Variants in FRMD4B observed in about 807,000 individuals in gnomAD.
FRMD4B encodes the protein FERM domain-containing protein 4B.
In FRMD4B, 74 loss-of-function variants were observed where a neutral mutation model predicts 141.5. The observed-to-expected ratio is 0.52, with a 90% CI of 0.43 to 0.63. The LOEUF (loss-of-function observed/expected upper bound fraction) is 0.63. Ranked by LOEUF, FRMD4B falls within the 30% of genes least tolerant of loss-of-function variation. The probability of loss-of-function intolerance (pLI) is 0.00; values close to 1 mark genes in which losing one functional copy is unlikely to be tolerated. For missense variants in FRMD4B, 1,366 were observed against 1,253.4 expected (o/e 1.09, Z -1.36); for synonymous variants, 506 against 467.9 (o/e 1.08, Z -1.05).
intron 2 of FRMD4B, among the ~76,000 whole-genome samples, chr3:69,431,370 T>C (rs558115850): frequency 6.6e-6 from 1 of 152,318 alleles, no homozygotes; most frequent in South Asian, 2.1e-4. Flanking sequence ...ATCAGTCCTG[T>C]GACAGCTGCT....
intron 2 of FRMD4B, among the ~76,000 whole-genome samples, chr3:69,426,274 A>T (rs1320160083): frequency 1.3e-5 from 2 of 152,192 alleles, no homozygotes; most frequent in Admixed American, 6.5e-5. Flanking sequence ...CTGGGGCTGT[A>T]ATGAATAGGT....
At chr3:69,465,878 A>G (rs1705776107) in intron 1 of FRMD4B, among the ~76,000 whole-genome samples, 1 of 152,204 alleles carries the variant, frequency 6.6e-6, no homozygotes, top group South Asian at 2.1e-4. Flanking sequence ...TTATAGGAGC[A>G]TGATTTATAA....
chr3:69,463,713 A>G (rs1705737319), intron 1 of FRMD4B, among the ~76,000 whole-genome samples: 1 of 152,192 alleles, frequency 6.6e-6, no homozygotes, highest in Admixed American at 6.5e-5. Flanking sequence ...TACTCTACAT[A>G]TAAGTTATCT....
rs879387393 is a variant in FRMD4B, at chr3:69,180,937, G to A, written c.2813C>T (p.Pro938Leu). The A allele has an allele frequency of 2.5e-6, 4 of 1,612,138 alleles. No individual in the cohort carries two copies. The highest frequency in any genetic ancestry group is 1.7e-5 in the Admixed American group (1 of 59,966). Residue 938 changes from proline (P) to leucine (L), a missense_variant, in exon 21 of 23, where the codon CCT becomes CTT. By Grantham distance (98) the Pro-to-Leu change is moderately conservative. Coordinates refer to ENST00000398540, the MANE Select transcript of FRMD4B (RefSeq NM_015123.3). ...GGATGCACGACTGCTTGGAGAACAA[G>A]GTACTTGCAGCCCCGCAAACCCCAG... ...RCLGFAGLQV[P>L]CSPSSRASSY...
chr3:69,242,375 G>A (rs1452277599), intron 7 of FRMD4B, among the ~76,000 whole-genome samples: 2 of 150,250 alleles, frequency 1.3e-5, no homozygotes, highest in African/African-American at 4.9e-5. Context: ...CTCCAGAGGT[G>A]TAATAACTAA....
intron 1 of FRMD4B, among the ~76,000 whole-genome samples, chr3:69,495,516 G>C (rs925335864): frequency 6.6e-6 from 1 of 152,170 alleles, no homozygotes; most frequent in Non-Finnish European, 1.5e-5. Flanking sequence ...TCTTCTGAAA[G>C]AGATGGGCTT....
chr3:69,403,385 C>T (rs1194068118), intron 2 of FRMD4B, among the ~76,000 whole-genome samples: 2 of 152,134 alleles, frequency 1.3e-5, no homozygotes, highest in Admixed American at 6.5e-5. Flanking sequence ...TTTTCATTAA[C>T]CAAAGGATTC....
At chr3:69,502,652 CA>C (rs1346540498) in intron 1 of FRMD4B, among the ~76,000 whole-genome samples, 3 of 151,992 alleles carry the variant, frequency 2.0e-5, no homozygotes. Context: ...ACACCAAAAG[CA>C]ATGGCAACAA....
intron 1 of FRMD4B, among the ~76,000 whole-genome samples, chr3:69,456,392 G>A (rs984066611): frequency 1.3e-5 from 2 of 152,042 alleles, no homozygotes; most frequent in African/African-American, 4.8e-5. Context: ...TTTACCCTAA[G>A]GAAAAAATGA....
At chr3:69,490,196 T>C (rs897232023) in intron 1 of FRMD4B, among the ~76,000 whole-genome samples, 2 of 152,216 alleles carry the variant, frequency 1.3e-5, no homozygotes, top group Admixed American at 1.3e-4. Context: ...GAATTGTGTA[T>C]TTTAAACATG....
intron 20 of FRMD4B, among the ~76,000 whole-genome samples, chr3:69,182,140 AT>A (rs2092715241): frequency 6.6e-6 from 1 of 152,162 alleles, no homozygotes; most frequent in African/African-American, 2.4e-5. Flanking sequence ...TGGCACTGCT[AT>A]TTCCCAGCTG....
chr3:69,390,054 G>A (rs1704348048), upstream of FRMD4B, among the ~76,000 whole-genome samples: 3 of 152,240 alleles, frequency 2.0e-5, no homozygotes, highest in South Asian at 6.2e-4. Context: ...TGGGAGTTGT[G>A]CTGTCGTAAA....
intron 5 of FRMD4B, among the ~76,000 whole-genome samples, chr3:69,250,846 G>C (rs1292587180): frequency 2.0e-5 from 3 of 151,232 alleles, no homozygotes; most frequent in Non-Finnish European, 2.9e-5. Context: ...CCAGTACTCT[G>C]GGAGGCTGAG....
At chr3:69,438,289 A>G (rs921814148) in intron 1 of FRMD4B, among the ~76,000 whole-genome samples, 4 of 151,676 alleles carry the variant, frequency 2.6e-5, no homozygotes, top group African/African-American at 9.7e-5. Flanking sequence ...TTTTTTTTGT[A>G]GAGACAGGTT....
At chr3:69,396,650 T>C (rs1269871929) in intron 2 of FRMD4B, among the ~76,000 whole-genome samples, 1 of 152,194 alleles carries the variant, frequency 6.6e-6, no homozygotes, top group Non-Finnish European at 1.5e-5. Flanking sequence ...GATATACTAC[T>C]TCACATCCAT....
chr3:69,211,773 T>C (rs948386650), intron 11 of FRMD4B, among the ~76,000 whole-genome samples: 8 of 152,134 alleles, frequency 5.3e-5, no homozygotes, highest in Non-Finnish European at 1.2e-4. Flanking sequence ...TGCTGGTCCA[T>C]TGGTAAACTT....
At chr3:69,210,088 CAG>C (rs34216530) in intron 11 of FRMD4B, among the ~76,000 whole-genome samples, 13,694 of 152,266 alleles carry the variant, frequency 0.09, 634 homozygotes, top group Middle Eastern at 0.11. Flanking sequence ...GAGACAGAAA[CAG>C]AAAGCTAAGA....
Position 69,244,101 on chromosome 3 carries a change from T to TCA in FRMD4B, c.581+5123_581+5124dup, listed in dbSNP as rs200564884. On this transcript the variant is annotated intron_variant, in intron 7 of 22. Coordinates refer to ENST00000398540, the MANE Select transcript of FRMD4B (RefSeq NM_015123.3). ...CCCAATTATTAGCTCAACACATAAT[T>TCA]CACACACACACACTTTTACAGTCAG... Among the ~76,000 whole-genome samples, 243 of 152,170 alleles carry TCA rather than the reference T, an allele frequency of 1.6e-3. 2 individuals are homozygous for TCA. Among genetic ancestry groups the TCA allele is most frequent in the African/African-American group, 5.6e-3 (231 of 41,506 alleles).
At chr3:69,454,279 T>C (rs1705549223) in intron 1 of FRMD4B, among the ~76,000 whole-genome samples, 1 of 152,244 alleles carries the variant, frequency 6.6e-6, no homozygotes, top group Non-Finnish European at 1.5e-5. Flanking sequence ...GGTGACAGCG[T>C]GCTGGCAGCC....
Sources: allele counts gnomAD v4.1 joint callset (sites outside exome capture counted in the v4.1 genomes callset), GRCh38; gene constraint gnomAD v4.1.1; transcripts MANE v1.5; gene names NCBI Gene and HGNC (gene_info 2026-07-23, HGNC 2026-07-21).